PITPNM3: variants seen among roughly 807,000 people sequenced by gnomAD.
The protein encoded by PITPNM3 is membrane-associated phosphatidylinositol transfer protein 3.
Under a neutral mutation model 102.0 loss-of-function variants are expected in PITPNM3, and 26 were observed. That is an observed-to-expected ratio of 0.25 (90% confidence interval 0.19 to 0.35). The LOEUF (loss-of-function observed/expected upper bound fraction) is 0.35. Among genes scored for constraint, PITPNM3 ranks in the 10% least tolerant of loss-of-function variants. The pLI, the probability that PITPNM3 is intolerant of heterozygous loss-of-function variation, is 1.00. For missense variants in PITPNM3, 1,083 were observed against 1,346.1 expected, an observed-to-expected ratio of 0.80 and a Z score of 3.06; for synonymous variants, 578 against 558.6, an observed-to-expected ratio of 1.03 and a Z score of -0.49.
At chr17:6,512,285 TC>T (rs1198078321) in intron 3 of PITPNM3, among the ~76,000 whole-genome samples, 1 of 152,108 alleles carries the variant, frequency 6.6e-6, no homozygotes, top group Admixed American at 6.6e-5. Context: ...ACAGACATAT[TC>T]CTATCACTCA....
At chr17:6,547,186 T>C (rs1220296156) in intron 1 of PITPNM3, among the ~76,000 whole-genome samples, 2 of 151,052 alleles carry the variant, frequency 1.3e-5, no homozygotes, top group Admixed American at 6.6e-5. Flanking sequence ...CCTCCTGTCA[T>C]GCCGCCTGTT....
intron 4 of PITPNM3, among the ~76,000 whole-genome samples, chr17:6,490,174 G>A (rs774059298): frequency 1.3e-5 from 2 of 152,040 alleles, no homozygotes; most frequent in Non-Finnish European, 2.9e-5. Flanking sequence ...GCACCTGGGG[G>A]ACTCAATCCA....
intron 1 of PITPNM3, among the ~76,000 whole-genome samples, chr17:6,551,732 A>G (rs1354665490): frequency 6.6e-6 from 1 of 151,752 alleles, no homozygotes; most frequent in Non-Finnish European, 1.5e-5. Flanking sequence ...AAGTATTAAA[A>G]AAATTTTTTT....
chr17:6,455,622 C>T lies in PITPNM3; in HGVS notation c.2641G>A (p.Ala881Thr), dbSNP rs1383168508. 3 of 1,493,778 alleles carry T rather than the reference C, an allele frequency of 2.0e-6. No individual in the cohort carries two copies. The highest frequency in any genetic ancestry group is 1.8e-5 in the African/African-American group (1 of 55,812). The allele number at this position is 1,493,778 out of a possible 1,614,324, so 92.5% of individuals were successfully genotyped here. A position where few individuals can be genotyped will look rare whatever the true frequency, so the allele number is the denominator to read the frequency against. Residue 881 changes from alanine (A) to threonine (T), a missense_variant, in exon 20 of 20, where the codon GCA (alanine) becomes ACA (threonine). This residue lies in a region of PITPNM3 where 208 missense variants were observed against 178.2 expected (regional missense o/e 1.17). Transcript: ENST00000262483. ...CTGGCCTCCAGCGCGGCCAGGTGTG[C>T]GGCGTAGCCCTCGCTCAGGAACTGC... ...QCQFLSEGYA[A>T]HLAALEASHR...
intron 3 of PITPNM3, among the ~76,000 whole-genome samples, chr17:6,519,173 T>TAAAAAAAAAAAAAAAA (rs1908350249): frequency 1.3e-5 from 1 of 76,234 alleles, no homozygotes; most frequent in Non-Finnish European, 2.9e-5. Flanking sequence ...CCGTCTCTAC[T>TAAAAAAAAAAAAAAAA]AAAAATACAA....
chr17:6,473,997 A>AG (rs1239663300), intron 10 of PITPNM3, among the ~76,000 whole-genome samples: 1 of 132,888 alleles, frequency 7.5e-6, no homozygotes, highest in African/African-American at 2.9e-5. Flanking sequence ...AAAAAAAAAA[A>AG]GGTTGCAGGT....
intron 3 of PITPNM3, among the ~76,000 whole-genome samples, chr17:6,515,638 T>C (rs755299972): frequency 5.3e-5 from 8 of 152,122 alleles, no homozygotes; most frequent in Non-Finnish European, 1.2e-4. Context: ...CAAATCAAGA[T>C]GTCTCCTGCT....
In PITPNM3 at chr17:6,455,051, C is replaced by A; in HGVS notation, c.*287G>T. On this transcript the variant is annotated 3_prime_UTR_variant, in exon 20 of 20. Transcript: ENST00000262483. ...CCCAAACGCTTCAGCCCCGGGCAAG[C>A]CTGCCCCCAGGATGACACAAACATG... 2.1e-6 allele frequency: 1 copy of A among 475,536 alleles called. No homozygotes were observed. 29.5% of individuals were successfully genotyped at this position (475,536 alleles called of 1,614,324 possible). A position where few individuals can be genotyped will look rare whatever the true frequency, so the allele number is the denominator to read the frequency against.
rs186581776 is a variant in PITPNM3, at chr17:6,457,194, T to C, written c.2619+400A>G. Among the ~76,000 whole-genome samples the C allele has an allele frequency of 9.2e-5, 14 of 152,246 alleles. No homozygotes were observed. The East Asian group carries it at 2.7e-3, about 29-fold the overall frequency. ...TTGCTGCTGCCTCTGTCACAAATATTCTTCTCAATCTCAGGCCCTTCCTGG... is the reference window on the plus strand; with the variant it reads ...TTGCTGCTGCCTCTGTCACAAATATCCTTCTCAATCTCAGGCCCTTCCTGG... On this transcript the variant is annotated intron_variant, in intron 19 of 19. Transcript: ENST00000262483. This position sits in a 1 kb window ranked among gnomAD's most constrained non-coding sequence, Gnocchi z 4.7.
intron 4 of PITPNM3, among the ~76,000 whole-genome samples, chr17:6,493,358 C>G (rs1906610312): frequency 1.3e-5 from 2 of 152,208 alleles, no homozygotes; most frequent in African/African-American, 4.8e-5. Flanking sequence ...TGGAGAAGAG[C>G]AGCAGCTGCC....
At chr17:6,523,616 C>T (rs1908662263) in intron 3 of PITPNM3, among the ~76,000 whole-genome samples, 1 of 152,220 alleles carries the variant, frequency 6.6e-6, no homozygotes. Context: ...ATGGATGGTA[C>T]AAATCCATAT....
chr17:6,502,909 C>G (rs1907271373), intron 4 of PITPNM3, among the ~76,000 whole-genome samples: 2 of 152,150 alleles, frequency 1.3e-5, no homozygotes, highest in South Asian at 2.1e-4. Flanking sequence ...GTGCTCATCT[C>G]TCTGAGAAAA....
At position 6,457,546 on chromosome 17, in the gene PITPNM3, C is replaced by T. The variant is rs767245270; in HGVS notation, c.2619+48G>A. The T allele has an allele frequency of 2.5e-6, 4 of 1,612,546 alleles. No homozygotes were observed. The South Asian group carries it at 3.3e-5, about 13-fold the overall frequency. On this transcript the variant is annotated intron_variant, in intron 19 of 19. Transcript: ENST00000262483. The surrounding 1 kb of genome is among the most constrained non-coding windows in gnomAD (Gnocchi z 4.7). ...AAGTGCTTACTCCCTCTATCCCTTT[C>T]CCTGACCTCCCTCACAACTCCCCGC...
chr17:6,478,206 T>C lies in PITPNM3; in HGVS notation c.778-109A>G. 3.2e-6 allele frequency: 5 copies of C among 1,553,256 alleles called. No homozygotes were observed. The highest frequency in any genetic ancestry group is 4.4e-6 in the Non-Finnish European group (5 of 1,148,564). On this transcript the variant is annotated intron_variant, in intron 7 of 19. Transcript: ENST00000262483. This position sits in a 1 kb window ranked among gnomAD's most constrained non-coding sequence, Gnocchi z 4.4. ...CACAGGAGAATGAGAAACTCGTCCT[T>C]GGGAGGTGTTGAGAGAGCCCAACTG...
chr17:6,500,898 T>C (rs1279957932), intron 4 of PITPNM3, among the ~76,000 whole-genome samples: 1 of 152,060 alleles, frequency 6.6e-6, no homozygotes, highest in Non-Finnish European at 1.5e-5. Flanking sequence ...CTGGTCTGGA[T>C]CTCCTGACCT....
Position 6,452,965 on chromosome 17 carries a change from TCTCTCTCTCTTC to T in PITPNM3, c.*2361_*2372del, listed in dbSNP as rs934109994. The T allele has an allele frequency of 9.4e-5, 14 of 149,634 alleles. No homozygotes were observed. Among genetic ancestry groups the T allele is most frequent in the African/African-American group, 3.2e-4 (13 of 40,308 alleles). 9.3% of individuals were successfully genotyped at this position (149,634 alleles called of 1,614,324 possible). A position where few individuals can be genotyped will look rare whatever the true frequency, so the allele number is the denominator to read the frequency against. On this transcript the variant is annotated 3_prime_UTR_variant, in exon 20 of 20. Transcript: ENST00000262483. ...TGAGCTCTCTCTCTCTCTTCCTCTC[TCTCTCTCTCTTC>T]CTCTCTCTCTCTCTCTGTCTTCCTT... is the stretch of plus-strand genomic sequence containing the variant.
At chr17:6,511,605 T>A (rs1907867566) in intron 3 of PITPNM3, among the ~76,000 whole-genome samples, 1 of 152,190 alleles carries the variant, frequency 6.6e-6, no homozygotes, top group Non-Finnish European at 1.5e-5. Flanking sequence ...ATCAAGTGTG[T>A]GGAGCCTTGT....
At chr17:6,455,968 T>C (rs1431911554) in intron 19 of PITPNM3, among the ~76,000 whole-genome samples, 1 of 151,910 alleles carries the variant, frequency 6.6e-6, no homozygotes, top group Non-Finnish European at 1.5e-5. Flanking sequence ...CATCTCTACC[T>C]GTACCCATGG....
chr17:6,468,216 T>A lies in PITPNM3; in HGVS notation c.1890+9A>T, dbSNP rs764114892. On this transcript the variant is annotated intron_variant, in intron 14 of 19. Transcript: ENST00000262483. This position sits in a 1 kb window ranked among gnomAD's most constrained non-coding sequence, Gnocchi z 5.2. ...GTCCCAGCCACATGCGAACTGAGCA[T>A]GCACGCACCCTCAGCTTGACCTGAG... 6.2e-7 allele frequency: 1 copy of A among 1,612,058 alleles called. No individual in the cohort carries two copies. Among genetic ancestry groups the A allele is most frequent in the Non-Finnish European group, 8.5e-7 (1 of 1,179,300 alleles).
Sources: gnomAD v4.1 joint callset for allele counts (sites outside exome capture counted in the v4.1 genomes callset) on GRCh38, gnomAD v4.1.1 for gene constraint, gnomAD v4.1.1 regional missense constraint, Gnocchi (gnomAD v3.1) non-coding constraint, MANE v1.5 for transcripts, NCBI Gene and HGNC (gene_info 2026-07-23, HGNC 2026-07-21) for gene names.